The following DHX8 variants were observed in gnomAD, a reference collection of about 807,000 sequenced individuals.
The protein encoded by DHX8 is DEAH-box helicase 8, also known as ATP-dependent RNA helicase DHX8.
DHX8 carries 67 observed loss-of-function variants against 140.7 expected under a neutral mutation model. The ratio of observed to expected loss-of-function variants is 0.48; its 90% confidence interval spans 0.39 to 0.58. The LOEUF (loss-of-function observed/expected upper bound fraction) is 0.58. Ranked by LOEUF, DHX8 falls within the 20% of genes least tolerant of loss-of-function variation. DHX8 has a pLI of 0.00. For synonymous variants in DHX8, 533 were observed against 553.2 expected, an observed-to-expected ratio of 0.96 and a Z score of 0.51; for missense variants, 887 against 1,550.7, an observed-to-expected ratio of 0.57 and a Z score of 7.19.
In DHX8 at chr17:43,534,131, C is replaced by T. The variant is rs1971109145; in HGVS notation, c.351-2281C>T. The T allele has an allele frequency of 3.6e-6, 3 of 823,812 alleles. No individual in the cohort carries two copies. The South Asian group carries it at 7.6e-5, about 21-fold the overall frequency. The allele number at this position is 823,812 out of a possible 1,614,324, so 51.0% of individuals were successfully genotyped here. On this transcript the variant is annotated intron_variant, in intron 2 of 3. Transcript: ENST00000589898. The stretch of plus-strand genomic sequence containing the variant: ...CTGGGTATCAATTTTCTGAGACCCG[C>T]AGTGAGACAAGAACATTTTGGCTAT...
At chr17:43,487,732 T>C (rs1440659485) in intron 1 of DHX8, among the ~76,000 whole-genome samples, 1 of 152,090 alleles carries the variant, frequency 6.6e-6, no homozygotes, top group African/African-American at 2.4e-5. Context: ...ATCCCAGCAC[T>C]TCGGGAGGCT....
chr17:43,520,103 C>G (rs149017949), intron 18 of DHX8, 27 bp from the exon 19 acceptor site: 2 of 1,613,762 alleles, frequency 1.2e-6, no homozygotes, highest in African/African-American at 2.7e-5. Flanking sequence ...ACCCTCTTAT[C>G]ACATGCCTTC....
chr17:43,529,085 C>G, downstream of DHX8: 1 of 1,571,242 alleles, frequency 6.4e-7, no homozygotes. Context: ...CAGTCAGCTT[C>G]TCACAGCCAC....
Position 43,490,464 on chromosome 17 carries a change from GT to G in DHX8, c.307+2del. ...CCAGCGAAGCCTTCCACTAGCAAAG[GT>G]AAGCAGAGCTTCCAGCTGAGCTTAG... On this transcript the variant is annotated splice_donor_variant, in intron 3 of 22. Coordinates refer to ENST00000262415, the MANE Select transcript of DHX8 (RefSeq NM_004941.3). LOFTEE classifies it high-confidence loss of function. The G allele has an allele frequency of 6.2e-7, 1 of 1,612,116 alleles. No homozygotes were observed. The highest frequency in any genetic ancestry group is 8.5e-7 in the Non-Finnish European group (1 of 1,178,658).
At chr17:43,542,584 G>A (rs1363918795) in intron 3 of DHX8, among the ~76,000 whole-genome samples, 1 of 151,836 alleles carries the variant, frequency 6.6e-6, no homozygotes, top group Non-Finnish European at 1.5e-5. Flanking sequence ...AATCAGACAC[G>A]CCCTCCTAGC....
At position 43,513,509 on chromosome 17, in the gene DHX8, C is replaced by T. The variant is rs777058870; in HGVS notation, c.2643+7C>T. On this transcript the variant is annotated splice_region_variant and intron_variant, in intron 17 of 22. Transcript: ENST00000262415. The stretch of plus-strand genomic sequence containing the variant: ...GGTGACGCCTATTTCTCAGGTATGA[C>T]GGCTTGTATCAACAGTTTTCCTGAT... The T allele has an allele frequency of 1.4e-5, 23 of 1,612,408 alleles. No individual in the cohort carries two copies. The African/African-American group carries it at 1.7e-4, about 12-fold the overall frequency.
At chr17:43,521,643 C>A in intron 21 of DHX8, 78 bp downstream of exon 21, 1 of 1,381,948 alleles carries the variant, frequency 7.2e-7, no homozygotes, top group African/African-American at 1.4e-5. Flanking sequence ...CTGTGTGTAC[C>A]TATAAAGCTA....
chr17:43,486,831 G>A (rs1053811718), intron 1 of DHX8, among the ~76,000 whole-genome samples: 5 of 149,852 alleles, frequency 3.3e-5, no homozygotes, highest in African/African-American at 7.4e-5. Flanking sequence ...TGAGAGGATC[G>A]TGCCACTGCC....
At chr17:43,513,246 T>TAG in intron 16 of DHX8, 116 bp from the exon 17 acceptor site, 2 of 1,169,476 alleles carry the variant, frequency 1.7e-6, no homozygotes, top group Non-Finnish European at 1.2e-6. Context: ...TTTAACCGTC[T>TAG]AGAGAGAGAG....
At chr17:43,523,113 T>TA (rs995612023) in intron 22 of DHX8, among the ~76,000 whole-genome samples, 190 of 146,100 alleles carry the variant, frequency 1.3e-3, no homozygotes, top group East Asian at 3.8e-3. Flanking sequence ...TGATGTAGTT[T>TA]AAAAAAAAAA....
At chr17:43,501,990 G>A (rs1170303674) in intron 11 of DHX8, among the ~76,000 whole-genome samples, 1 of 152,224 alleles carries the variant, frequency 6.6e-6, no homozygotes, top group Non-Finnish European at 1.5e-5. Context: ...TGAATGTGGG[G>A]CAACAGGAAT....
intron 2 of DHX8, among the ~76,000 whole-genome samples, chr17:43,490,126 G>A (rs1968417882): frequency 6.6e-6 from 1 of 152,130 alleles, no homozygotes; most frequent in Non-Finnish European, 1.5e-5. Flanking sequence ...AACAAGTTTT[G>A]GGGGTAGTTC....
At chr17:43,503,726 G>A (rs913394542) in intron 11 of DHX8, among the ~76,000 whole-genome samples, 1 of 152,038 alleles carries the variant, frequency 6.6e-6, no homozygotes, top group Non-Finnish European at 1.5e-5. Flanking sequence ...ATTGTATGAA[G>A]TATCCAGAAT....
chr17:43,526,695 G>A (rs1198869040), downstream of DHX8: 3 of 1,501,192 alleles, frequency 2.0e-6, no homozygotes, highest in African/African-American at 1.4e-5. Context: ...CTCTTCGTGT[G>A]TGTACTCGGC....
At chr17:43,489,130 A>G (rs894579144) in intron 1 of DHX8, among the ~76,000 whole-genome samples, 1 of 151,872 alleles carries the variant, frequency 6.6e-6, no homozygotes, top group South Asian at 2.1e-4. Context: ...TCAGTCTCCC[A>G]AGTAGCTGGG....
chr17:43,541,444 G>A (rs975396383), intron 3 of DHX8, among the ~76,000 whole-genome samples: 4 of 152,112 alleles, frequency 2.6e-5, no homozygotes, highest in African/African-American at 9.7e-5. Flanking sequence ...GGACGAGGCA[G>A]ATGATTAAGG....
chr17:43,526,308 C>A, downstream of DHX8: 1 of 1,413,654 alleles, frequency 7.1e-7, no homozygotes, highest in Non-Finnish European at 9.2e-7. Context: ...ATATTGTTCA[C>A]CCCCACCCCG....
chr17:43,515,040 T>A (rs1283128217), intron 17 of DHX8, among the ~76,000 whole-genome samples: 3 of 152,134 alleles, frequency 2.0e-5, no homozygotes, highest in African/African-American at 4.8e-5. Flanking sequence ...TATTTATGGG[T>A]GGTGCTACTA....
chr17:43,537,953 C>T (rs2154587194), intron 3 of DHX8, among the ~76,000 whole-genome samples: 1 of 152,210 alleles, frequency 6.6e-6, no homozygotes, highest in Middle Eastern at 3.4e-3. Context: ...ACAGTGAAAC[C>T]CTGTCTCTAC....
Sources: allele counts gnomAD v4.1 joint callset (sites outside exome capture counted in the v4.1 genomes callset), GRCh38; gene constraint gnomAD v4.1.1; transcripts MANE v1.5; gene names NCBI Gene and HGNC (gene_info 2026-07-23, HGNC 2026-07-21).